The following PLXNA4 variants were observed in gnomAD, a reference collection of about 807,000 sequenced individuals.
The protein encoded by PLXNA4 is plexin-A4.
PLXNA4 carries 44 observed loss-of-function variants against 191.8 expected under a neutral mutation model. That is an observed-to-expected ratio of 0.23 (90% CI 0.18 to 0.29). The LOEUF (loss-of-function observed/expected upper bound fraction) is 0.29, where lower values mean the gene tolerates loss of function less well. PLXNA4 is among the 10% of genes least tolerant of loss of function. The pLI is 1.00. For synonymous variants in PLXNA4, 1,082 were observed against 1,009.5 expected (o/e 1.07, Z -1.36); for missense variants, 1,800 against 2,488.8 (o/e 0.72, Z 5.89).
chr7:132,611,679 C>T (rs1278980273), intron 2 of PLXNA4, among the ~76,000 whole-genome samples: 1 of 152,208 alleles, frequency 6.6e-6, no homozygotes, highest in Non-Finnish European at 1.5e-5. Flanking sequence ...AAAACTGTAT[C>T]TAAGGCTGAC....
At chr7:132,288,837 C>T (rs1407181565) in intron 4 of PLXNA4, among the ~76,000 whole-genome samples, 2 of 152,224 alleles carry the variant, frequency 1.3e-5, no homozygotes, top group Non-Finnish European at 1.5e-5. Flanking sequence ...ACAACAGCCT[C>T]TTCTATCAAA....
chr7:132,171,383 G>A (rs1381308757), intron 21 of PLXNA4, among the ~76,000 whole-genome samples: 1 of 152,194 alleles, frequency 6.6e-6, no homozygotes, highest in Non-Finnish European at 1.5e-5. Flanking sequence ...GCTCCCAAGT[G>A]CCCGTTCGTC....
At chr7:132,346,465 T>A (rs1242049759) in intron 3 of PLXNA4, among the ~76,000 whole-genome samples, 2 of 152,322 alleles carry the variant, frequency 1.3e-5, no homozygotes, top group East Asian at 3.9e-4. Context: ...CTAATTACAC[T>A]CTTCTCTCTA....
chr7:132,509,782 CT>C (rs1310281427), intron 1 of PLXNA4, among the ~76,000 whole-genome samples: 1 of 152,150 alleles, frequency 6.6e-6, no homozygotes, highest in Non-Finnish European at 1.5e-5. Flanking sequence ...AGAAACTTTC[CT>C]CTGTGCCTCC....
chr7:132,367,015 C>T (rs1804214581), intron 3 of PLXNA4, among the ~76,000 whole-genome samples: 1 of 152,198 alleles, frequency 6.6e-6, no homozygotes, highest in Non-Finnish European at 1.5e-5. Flanking sequence ...AAGTGATCCT[C>T]CAGCCTCAGT....
intron 3 of PLXNA4, among the ~76,000 whole-genome samples, chr7:132,445,278 T>A (rs1289204565): frequency 6.6e-6 from 1 of 151,626 alleles, no homozygotes; most frequent in Non-Finnish European, 1.5e-5. Flanking sequence ...CCTCCTTCTA[T>A]GTGATTTCTC....
intron 4 of PLXNA4, among the ~76,000 whole-genome samples, chr7:132,250,488 C>T (rs1180194162): frequency 3.3e-5 from 5 of 152,152 alleles, no homozygotes; most frequent in African/African-American, 4.8e-5. Flanking sequence ...TGGATTATTG[C>T]CACAGATTAA....
chr7:132,298,054 G>T (rs776300070), intron 4 of PLXNA4, 37 bp downstream of exon 4: 1 of 1,613,416 alleles, frequency 6.2e-7, no homozygotes, highest in African/African-American at 1.3e-5. Flanking sequence ...GTATTTAACT[G>T]CAAGACAAAT....
At chr7:132,294,792 C>T (rs1222575306) in intron 4 of PLXNA4, among the ~76,000 whole-genome samples, 2 of 152,112 alleles carry the variant, frequency 1.3e-5, no homozygotes, top group African/African-American at 4.8e-5. Flanking sequence ...TTGACTGGTG[C>T]TCTTAGAAGA....
Position 132,321,365 on chromosome 7 carries a change from C to CT in PLXNA4, c.1372-23144dup, listed in dbSNP as rs112669559. ...CTAGCGTGTCTGTGTTCTAGGCAAG[C>CT]TTTTTTTTTTTTTTTAAATCGTGGT... On this transcript the variant is annotated intron_variant, in intron 3 of 31. Transcript: ENST00000321063. Among the ~76,000 whole-genome samples the CT allele has an allele frequency of 1.0e-3, 147 of 143,966 alleles. 1 individual carries two copies. The highest frequency in any genetic ancestry group is 2.9e-3 in the South Asian group (13 of 4,434). 94.4% of individuals were successfully genotyped at this position (143,966 alleles called of 152,430 possible).
At chr7:132,431,492 T>A (rs55873420) in intron 3 of PLXNA4, among the ~76,000 whole-genome samples, 9,790 of 152,082 alleles carry the variant, frequency 0.064, 1,015 homozygotes, top group African/African-American at 0.22. Flanking sequence ...AGAAAACTCA[T>A]AGCCCCAACA....
Position 132,185,337 on chromosome 7 carries a change from G to A in PLXNA4, c.3120C>T (p.Pro1040=). The change falls in exon 16 of 32, where the codon CCC becomes CCT. Residue 1040 remains proline, a synonymous_variant. Coordinates refer to ENST00000321063, the MANE Select transcript of PLXNA4 (RefSeq NM_020911.2). ...QDLVFQYVED[P]TIVRIEPEWS... ...ATTCTGGCTCAATCCGCACGATGGT[G>A]GGGTCTTCCACATACTGAAAGACCA... 1 of 1,613,894 alleles carries A rather than the reference G, an allele frequency of 6.2e-7. No individual in the cohort carries two copies. The highest frequency in any genetic ancestry group is 8.5e-7 in the Non-Finnish European group (1 of 1,179,936).
rs188240366 is a variant in PLXNA4 at position 132,392,381 on chromosome 7, C to G, written c.1372-94159G>C. 2.5e-3 allele frequency among the ~76,000 whole-genome samples: 386 copies of G among 152,356 alleles called. 1 individual carries two copies. The highest frequency in any genetic ancestry group is 8.8e-3 in the African/African-American group (367 of 41,572). On this transcript the variant is annotated intron_variant, in intron 3 of 31. Transcript: ENST00000321063. ...TAGTCTGTAAATGTGCACCTGCTAT[C>G]AGGAGGCCCCAGCCTGTCTTTCAGA...
chr7:132,563,266 T>C (rs1438949076), intron 1 of PLXNA4, among the ~76,000 whole-genome samples: 47 of 62,744 alleles, frequency 7.5e-4, no homozygotes, highest in East Asian at 1.3e-3. Context: ...CCTTCTCCTC[T>C]TCATCCTCCT....
In PLXNA4 at chr7:132,505,337, G is replaced by A. The variant is rs1215107294; in HGVS notation, c.1188+2169C>T. On this transcript the variant is annotated intron_variant, in intron 2 of 31. Transcript: ENST00000321063. Reference sequence around the variant, plus strand: ...TTGTGGCAGGAAGCAACGGCAGCACGAACACTTGCCCATGGGCAGCCAGAC... The same window carrying A: ...TTGTGGCAGGAAGCAACGGCAGCACAAACACTTGCCCATGGGCAGCCAGAC... Among the ~76,000 whole-genome samples, 19 of 152,292 alleles carry A rather than the reference G, an allele frequency of 1.2e-4. 3 individuals carry two copies. Among genetic ancestry groups the A allele is most frequent in the African/African-American group, 7.2e-5 (3 of 41,556 alleles).
At chr7:132,531,503 A>G (rs1012433852) in intron 1 of PLXNA4, among the ~76,000 whole-genome samples, 13 of 152,236 alleles carry the variant, frequency 8.5e-5, no homozygotes, top group African/African-American at 3.1e-4. Flanking sequence ...CCCAGACCAC[A>G]AAGTTAGTAT....
intron 2 of PLXNA4, among the ~76,000 whole-genome samples, chr7:132,615,014 C>T (rs1390346382): frequency 6.6e-6 from 1 of 152,180 alleles, no homozygotes; most frequent in Non-Finnish European, 1.5e-5. Flanking sequence ...TCTCTCTCCC[C>T]CGAGCCCTCG....
rs1311159288 is a variant in PLXNA4 at position 132,269,849 on chromosome 7, G to C, written c.1503+28242C>G. On this transcript the variant is annotated intron_variant, in intron 4 of 31. Coordinates refer to ENST00000321063, the MANE Select transcript of PLXNA4 (RefSeq NM_020911.2). ...GATATTGCTATTGCTAGAGAGAAGA[G>C]AAAGGAATGAGGCAAATAGGGAGTC... is the stretch of plus-strand genomic sequence containing the variant. 2.6e-5 allele frequency among the ~76,000 whole-genome samples: 4 copies of C among 152,126 alleles called. No homozygotes were observed. The East Asian group carries it at 7.7e-4, about 29-fold the overall frequency.
intron 10 of PLXNA4, among the ~76,000 whole-genome samples, chr7:132,208,165 T>A (rs1797687297): frequency 6.6e-6 from 1 of 152,196 alleles, no homozygotes; most frequent in African/African-American, 2.4e-5. Flanking sequence ...AGACCAGCAT[T>A]TAAACTGGGA....
Sources: gnomAD v4.1 joint callset for allele counts (sites outside exome capture counted in the v4.1 genomes callset) on GRCh38, gnomAD v4.1.1 for gene constraint, MANE v1.5 for transcripts, NCBI Gene and HGNC (gene_info 2026-07-23, HGNC 2026-07-21) for gene names.